The following RORB variants were observed in gnomAD, a reference collection of about 807,000 sequenced individuals.
RORB encodes nuclear receptor ROR-beta.
RORB carries 6 observed loss-of-function variants against 59.1 expected under a neutral mutation model. That is an observed-to-expected ratio of 0.10 (90% CI 0.06 to 0.20). RORB has a LOEUF of 0.20. Among genes scored for constraint, RORB ranks in the 10% least tolerant of loss-of-function variants. The pLI, the probability that RORB is intolerant of heterozygous loss-of-function variation, is 1.00. For synonymous variants in RORB, 215 were observed against 204.5 expected (o/e 1.05, Z -0.44); for missense variants, 320 against 560.5 (o/e 0.57, Z 4.33).
At chr9:74,675,358 A>T (rs1336236452) in intron 9 of RORB, among the ~76,000 whole-genome samples, 2 of 151,366 alleles carry the variant, frequency 1.3e-5, no homozygotes, top group Non-Finnish European at 2.9e-5. Flanking sequence ...ATATATTTTT[A>T]AGCCCCATAT....
intron 1 of RORB, among the ~76,000 whole-genome samples, chr9:74,545,874 A>G (rs1826478892): frequency 6.6e-6 from 1 of 152,188 alleles, no homozygotes; most frequent in Non-Finnish European, 1.5e-5. Flanking sequence ...GACCTTTCGT[A>G]GAGCCTTTAA....
At chr9:74,538,054 C>A (rs1240513020) in intron 1 of RORB, among the ~76,000 whole-genome samples, 1 of 151,992 alleles carries the variant, frequency 6.6e-6, no homozygotes, top group African/African-American at 2.4e-5. Flanking sequence ...TTTTACTATA[C>A]CTTTTCTATA....
At chr9:74,619,667 G>A (rs569965024) in intron 1 of RORB, among the ~76,000 whole-genome samples, 1 of 152,214 alleles carries the variant, frequency 6.6e-6, no homozygotes, top group Admixed American at 6.5e-5. Flanking sequence ...GGTCAGGCTG[G>A]TTTCATACTC....
At chr9:74,667,607 G>T (rs938310501) in intron 7 of RORB, among the ~76,000 whole-genome samples, 184 bp from the exon 8 acceptor site, 80 of 152,180 alleles carry the variant, frequency 5.3e-4, no homozygotes, top group African/African-American at 1.8e-3. Context: ...CCAAGATGTT[G>T]CCCAATTTTC....
chr9:74,516,672 T>C (rs1193651096), intron 1 of RORB, among the ~76,000 whole-genome samples: 1 of 152,036 alleles, frequency 6.6e-6, no homozygotes, highest in Non-Finnish European at 1.5e-5. Context: ...TGGTTTGGCA[T>C]TCAGTGACAG....
At chr9:74,632,176 A>C (rs1299788194) in intron 2 of RORB, among the ~76,000 whole-genome samples, 1 of 152,170 alleles carries the variant, frequency 6.6e-6, no homozygotes, top group East Asian at 1.9e-4. Flanking sequence ...TTTCCAAAAA[A>C]TTTAACTAGT....
chr9:74,663,437 G>A (rs183786145), intron 6 of RORB, among the ~76,000 whole-genome samples: 33 of 152,218 alleles, frequency 2.2e-4, no homozygotes, highest in Non-Finnish European at 2.8e-4. Flanking sequence ...ACCAGTACAC[G>A]GCAAAGTTGG....
chr9:74,624,624 C>T (rs1410222), intron 1 of RORB, among the ~76,000 whole-genome samples: 116,039 of 152,108 alleles, frequency 0.76, 45,045 homozygotes, highest in East Asian at 0.93. Flanking sequence ...AGACCTTTGG[C>T]TTTGTTATTA....
At chr9:74,602,852 A>G (rs1823089243) in intron 1 of RORB, among the ~76,000 whole-genome samples, 1 of 152,226 alleles carries the variant, frequency 6.6e-6, no homozygotes, top group African/African-American at 2.4e-5. Flanking sequence ...ATTATTATTT[A>G]TGGTAACTAT....
intron 1 of RORB, among the ~76,000 whole-genome samples, chr9:74,576,548 A>T (rs1336222075): frequency 6.6e-6 from 1 of 152,088 alleles, no homozygotes; most frequent in Admixed American, 6.6e-5. Context: ...ACATGTCATG[A>T]TGATTATAAT....
At chr9:74,597,757 G>A (rs186178738) in intron 1 of RORB, among the ~76,000 whole-genome samples, 5 of 152,208 alleles carry the variant, frequency 3.3e-5, no homozygotes, top group Admixed American at 1.3e-4. Context: ...TCAGGAGTTC[G>A]AGACCAGCCT....
intron 1 of RORB, among the ~76,000 whole-genome samples, chr9:74,499,465 G>A (rs1255576897): frequency 6.6e-6 from 1 of 152,154 alleles, no homozygotes; most frequent in Non-Finnish European, 1.5e-5. Context: ...AAGAAGGAAC[G>A]GAGAGAGACT....
At chr9:74,563,254 C>T (rs376302236) in intron 1 of RORB, among the ~76,000 whole-genome samples, 6 of 148,944 alleles carry the variant, frequency 4.0e-5, no homozygotes, top group African/African-American at 1.2e-4. Context: ...AGCACAATCT[C>T]GGCTCACTGC....
chr9:74,621,946 A>G (rs945389548), intron 1 of RORB, among the ~76,000 whole-genome samples: 6 of 152,310 alleles, frequency 3.9e-5, no homozygotes, highest in African/African-American at 1.2e-4. Flanking sequence ...GGATTCAAGT[A>G]CTTTATTACA....
At chr9:74,596,748 A>T (rs1822975802) in intron 1 of RORB, among the ~76,000 whole-genome samples, 1 of 152,248 alleles carries the variant, frequency 6.6e-6, no homozygotes, top group Non-Finnish European at 1.5e-5. Flanking sequence ...TTGGTAAAAG[A>T]GGTTAATTAG....
At chr9:74,512,232 C>T (rs959038342) in intron 1 of RORB, among the ~76,000 whole-genome samples, 1 of 152,146 alleles carries the variant, frequency 6.6e-6, no homozygotes, top group African/African-American at 2.4e-5. Flanking sequence ...CCTGACAAAG[C>T]TGCAAGACTG....
chr9:74,511,138 A>G (rs573177451), intron 1 of RORB, among the ~76,000 whole-genome samples: 2 of 152,198 alleles, frequency 1.3e-5, no homozygotes, highest in Non-Finnish European at 2.9e-5. Context: ...TTCATGTAAT[A>G]TGTATTCACT....
intron 1 of RORB, among the ~76,000 whole-genome samples, chr9:74,510,918 G>T (rs1825928747): frequency 6.6e-6 from 1 of 152,152 alleles, no homozygotes; most frequent in Non-Finnish European, 1.5e-5. Flanking sequence ...ATATTCTGTA[G>T]CAGGAATTTA....
intron 1 of RORB, among the ~76,000 whole-genome samples, chr9:74,563,855 A>G (rs1464828507): frequency 6.6e-6 from 1 of 152,248 alleles, no homozygotes; most frequent in African/African-American, 2.4e-5. Flanking sequence ...TGCCAAAGGC[A>G]GGAGTGGAAA....
Sources: allele counts gnomAD v4.1 joint callset (sites outside exome capture counted in the v4.1 genomes callset), GRCh38; gene constraint gnomAD v4.1.1; transcripts MANE v1.5; gene names NCBI Gene and HGNC (gene_info 2026-07-23, HGNC 2026-07-21).